The following SOX5 variants were observed in gnomAD, a reference collection of about 807,000 sequenced individuals.
SOX5 encodes the protein SRY-box transcription factor 5, also known as transcription factor SOX-5.
A neutral mutation model predicts 92.0 loss-of-function variants in SOX5; 9 were observed. The observed-to-expected ratio is 0.10, with a 90% CI of 0.06 to 0.17. The LOEUF is 0.17. SOX5 is among the 10% of genes least tolerant of loss of function. The pLI, the probability that SOX5 is intolerant of heterozygous loss-of-function variation, is 1.00. For missense variants in SOX5, 642 were observed against 944.5 expected (o/e 0.68, Z 4.20); for synonymous variants, 344 against 336.3 (o/e 1.02, Z -0.25).
chr12:24,550,583 C>A (rs560205207), intron 1 of SOX5, among the ~76,000 whole-genome samples: 1 of 152,328 alleles, frequency 6.6e-6, no homozygotes, highest in East Asian at 1.9e-4. Context: ...TACTCCACTT[C>A]TCTCTTCTGA....
At position 23,530,731 on chromosome 12, in the gene SOX5, A is replaced by G. The variant is rs1211181709; in HGVS notation, c.*3488T>C. On this transcript the variant is annotated 3_prime_UTR_variant, in exon 15 of 15. Coordinates refer to ENST00000451604, the MANE Select transcript of SOX5 (RefSeq NM_006940.6). ...TTCATATGAAAACAGGACTATTTTT[A>G]GAGAAACGGACTACAACAACTATAA... The G allele has an allele frequency of 3.3e-5, 5 of 152,052 alleles. No individual in the cohort carries two copies. The East Asian group carries it at 9.7e-4, about 29-fold the overall frequency. 9.4% of individuals were successfully genotyped at this position (152,052 alleles called of 1,614,324 possible).
intron 6 of SOX5, among the ~76,000 whole-genome samples, chr12:23,671,751 T>C (rs550305100): frequency 6.6e-6 from 1 of 152,296 alleles, no homozygotes; most frequent in Non-Finnish European, 1.5e-5. Context: ...TTGAGGAATA[T>C]AGGCACATAA....
chr12:24,337,078 TG>T (rs147831424), intron 2 of SOX5, among the ~76,000 whole-genome samples: 1 of 152,298 alleles, frequency 6.6e-6, no homozygotes, highest in East Asian at 1.9e-4. Flanking sequence ...ATGATTTAGG[TG>T]GCAAGGAGAC....
At chr12:24,536,504 C>T (rs368051423) in intron 1 of SOX5, among the ~76,000 whole-genome samples, 4 of 152,090 alleles carry the variant, frequency 2.6e-5, no homozygotes, top group East Asian at 3.8e-4. Context: ...AAACTGTCAA[C>T]GAGTCCTATT....
At chr12:23,798,674 A>G (rs2095608817) in intron 3 of SOX5, among the ~76,000 whole-genome samples, 3 of 151,618 alleles carry the variant, frequency 2.0e-5, no homozygotes, top group African/African-American at 7.3e-5. Flanking sequence ...TAAAGCTGTG[A>G]CCAGTCATTC....
Position 24,333,123 on chromosome 12 carries a change from T to C in SOX5, c.-174+35440A>G, listed in dbSNP as rs188754313. Reference sequence around the variant, plus strand: ...ATGATATTACACTTTGCAGCCAAATTTTTCCCCCAGTAAAGTTTCTAAGAA... The same window carrying C: ...ATGATATTACACTTTGCAGCCAAATCTTTCCCCCAGTAAAGTTTCTAAGAA... On this transcript the variant is annotated intron_variant, in intron 2 of 4. Coordinates refer to the SOX5 transcript ENST00000446891. Among the ~76,000 whole-genome samples the C allele has an allele frequency of 2.6e-5, 4 of 152,078 alleles. 1 individual carries two copies. Among genetic ancestry groups the C allele is most frequent in the Non-Finnish European group, 5.9e-5 (4 of 67,910 alleles).
chr12:23,714,984 T>C (rs748786311), intron 6 of SOX5, among the ~76,000 whole-genome samples: 1 of 152,136 alleles, frequency 6.6e-6, no homozygotes, highest in Non-Finnish European at 1.5e-5. Context: ...TGAAATTGCA[T>C]GGTATTGGTT....
chr12:24,013,751 G>C (rs1038593433), intron 4 of SOX5, among the ~76,000 whole-genome samples: 3 of 152,072 alleles, frequency 2.0e-5, no homozygotes, highest in Admixed American at 2.0e-4. Context: ...ATAAAGTAAG[G>C]CTTATTATTT....
At chr12:24,184,676 C>T (rs1955845928) in intron 4 of SOX5, among the ~76,000 whole-genome samples, 1 of 152,112 alleles carries the variant, frequency 6.6e-6, no homozygotes, top group Non-Finnish European at 1.5e-5. Context: ...GGGTCCTTCA[C>T]AGTCTTGGTG....
intron 3 of SOX5, among the ~76,000 whole-genome samples, chr12:23,768,891 C>CA (rs2094828965): frequency 6.6e-6 from 1 of 151,910 alleles, no homozygotes; most frequent in Non-Finnish European, 1.5e-5. Context: ...AAGAAAGAAA[C>CA]AAAAACGCTA....
intron 4 of SOX5, among the ~76,000 whole-genome samples, chr12:24,060,678 G>A (rs958781941): frequency 1.3e-5 from 2 of 152,092 alleles, no homozygotes; most frequent in African/African-American, 2.4e-5. Flanking sequence ...TCTCAGCCTC[G>A]AGGATGGGTT....
chr12:23,583,631 GTTC>G (rs1031622885), intron 9 of SOX5, among the ~76,000 whole-genome samples: 1 of 152,166 alleles, frequency 6.6e-6, no homozygotes, highest in Non-Finnish European at 1.5e-5. Context: ...ATGATTAACA[GTTC>G]TTCTACCAAG....
intron 4 of SOX5, among the ~76,000 whole-genome samples, chr12:24,001,362 G>C (rs1351417241): frequency 2.0e-5 from 3 of 151,918 alleles, no homozygotes; most frequent in Non-Finnish European, 4.4e-5. Context: ...AAAGTGCTGG[G>C]ATTACAAGCA....
At chr12:23,572,086 C>T (rs1378299416) in intron 10 of SOX5, among the ~76,000 whole-genome samples, 1 of 152,192 alleles carries the variant, frequency 6.6e-6, no homozygotes, top group East Asian at 1.9e-4. Flanking sequence ...AGCTGCCTAT[C>T]ATTTGCGTAC....
At chr12:24,297,510 A>C (rs1376030092) in intron 2 of SOX5, among the ~76,000 whole-genome samples, 1 of 152,254 alleles carries the variant, frequency 6.6e-6, no homozygotes, top group Non-Finnish European at 1.5e-5. Context: ...AAAACAGGTA[A>C]AATTCCCACT....
At chr12:24,311,072 AC>A (rs1246905371) in intron 2 of SOX5, among the ~76,000 whole-genome samples, 2 of 152,130 alleles carry the variant, frequency 1.3e-5, no homozygotes, top group African/African-American at 4.8e-5. Flanking sequence ...AAAAATTCCA[AC>A]CTATCTCACC....
intron 3 of SOX5, among the ~76,000 whole-genome samples, chr12:23,758,008 CAAAAAAAA>C (rs34841595): frequency 1.9e-3 from 132 of 68,274 alleles, no homozygotes; most frequent in Non-Finnish European, 2.5e-3. Context: ...GCACACACTA[CAAAAAAAA>C]AAAAAAAAAA....
intron 1 of SOX5, among the ~76,000 whole-genome samples, chr12:24,490,276 G>A (rs530285399): frequency 4.6e-5 from 7 of 152,264 alleles, no homozygotes; most frequent in South Asian, 2.1e-4. Context: ...GAACTTGTAC[G>A]GAGTTCTTAA....
At chr12:23,606,352 T>C (rs2137581859) in intron 8 of SOX5, among the ~76,000 whole-genome samples, 1 of 151,930 alleles carries the variant, frequency 6.6e-6, no homozygotes, top group African/African-American at 2.4e-5. Flanking sequence ...TGTATTCTTG[T>C]CTTTAAAAAT....
Sources: allele counts gnomAD v4.1 joint callset (sites outside exome capture counted in the v4.1 genomes callset), GRCh38; gene constraint gnomAD v4.1.1; transcripts MANE v1.5; gene names NCBI Gene and HGNC (gene_info 2026-07-23, HGNC 2026-07-21).